The following EPHA6 variants were observed in gnomAD, a reference collection of about 807,000 sequenced individuals.
EPHA6 encodes ephrin type-A receptor 6.
Under a neutral mutation model 112.0 loss-of-function variants are expected in EPHA6, and 50 were observed. The ratio of observed to expected loss-of-function variants is 0.45; its 90% CI spans 0.36 to 0.56. EPHA6 has a LOEUF of 0.56. Ranked by LOEUF, EPHA6 falls within the 20% of genes least tolerant of loss-of-function variation. The probability of loss-of-function intolerance (pLI) is 0.00; values close to 1 mark genes in which losing one functional copy is unlikely to be tolerated. For missense variants in EPHA6, 1,280 were observed against 1,417.4 expected (o/e 0.90, Z 1.56); for synonymous variants, 529 against 490.7 (o/e 1.08, Z -1.03).
intron 2 of EPHA6, among the ~76,000 whole-genome samples, chr3:96,899,631 T>C (rs2038493344): frequency 6.6e-6 from 1 of 152,162 alleles, no homozygotes; most frequent in South Asian, 2.1e-4. Flanking sequence ...TATTTGGAGA[T>C]CTAAGTAGAT....
chr3:96,913,218 C>T (rs2039319195), intron 2 of EPHA6, among the ~76,000 whole-genome samples: 1 of 149,210 alleles, frequency 6.7e-6, no homozygotes, highest in Non-Finnish European at 1.5e-5. Flanking sequence ...ACACACCACA[C>T]ACACGGGCAT....
chr3:97,469,192 A>G (rs2091150957), intron 7 of EPHA6, among the ~76,000 whole-genome samples: 1 of 151,664 alleles, frequency 6.6e-6, no homozygotes, highest in African/African-American at 2.4e-5. Flanking sequence ...ATTTGATCCT[A>G]AACTCCTGGC....
intron 14 of EPHA6, among the ~76,000 whole-genome samples, chr3:97,657,567 G>A (rs1363524448): frequency 6.6e-6 from 1 of 151,754 alleles, no homozygotes; most frequent in Non-Finnish European, 1.5e-5. Context: ...GAACAGACAC[G>A]AATCATTAAT....
chr3:96,827,800 C>T (rs1328414209), intron 1 of EPHA6, among the ~76,000 whole-genome samples: 1 of 152,064 alleles, frequency 6.6e-6, no homozygotes, highest in Non-Finnish European at 1.5e-5. Context: ...AGGGCATGTG[C>T]ATCAACAGGG....
chr3:97,701,524 A>G (rs1340122213), intron 14 of EPHA6, among the ~76,000 whole-genome samples: 2 of 152,082 alleles, frequency 1.3e-5, no homozygotes, highest in East Asian at 3.9e-4. Flanking sequence ...TCTAATACAT[A>G]TTTTGCATTA....
chr3:97,598,486 A>G (rs1423065515), intron 12 of EPHA6, among the ~76,000 whole-genome samples: 1 of 138,286 alleles, frequency 7.2e-6, no homozygotes, highest in Non-Finnish European at 1.5e-5. Context: ...TCATTGTTCA[A>G]TTCCCACCTA....
intron 5 of EPHA6, among the ~76,000 whole-genome samples, chr3:97,333,226 T>G (rs1428902327): frequency 6.6e-6 from 1 of 152,124 alleles, no homozygotes; most frequent in Non-Finnish European, 1.5e-5. Flanking sequence ...CCTGGAGCAA[T>G]TATATGTGGT....
At chr3:97,204,842 A>G (rs78389230) in intron 3 of EPHA6, among the ~76,000 whole-genome samples, 1,888 of 152,292 alleles carry the variant, frequency 0.012, 32 homozygotes, top group African/African-American at 0.044. Context: ...GGATTCATTT[A>G]CAACAGGCAT....
intron 3 of EPHA6, among the ~76,000 whole-genome samples, chr3:97,034,567 C>T (rs2108030059): frequency 6.6e-6 from 1 of 151,994 alleles, no homozygotes; most frequent in East Asian, 1.9e-4. Context: ...TCACCTCCAG[C>T]TATAAATTAT....
chr3:97,387,389 T>C (rs2086135743), intron 5 of EPHA6, among the ~76,000 whole-genome samples: 1 of 151,874 alleles, frequency 6.6e-6, no homozygotes. Flanking sequence ...TTGAATGCCT[T>C]GCAGCTTAGA....
intron 7 of EPHA6, among the ~76,000 whole-genome samples, chr3:97,450,316 C>T (rs574588035): frequency 2.6e-5 from 4 of 152,088 alleles, no homozygotes; most frequent in South Asian, 4.1e-4. Context: ...CCAAGATTGT[C>T]GAATTATTGT....
intron 4 of EPHA6, among the ~76,000 whole-genome samples, chr3:97,228,794 C>T (rs1180601198): frequency 6.6e-6 from 1 of 152,094 alleles, no homozygotes; most frequent in African/African-American, 2.4e-5. Flanking sequence ...TAAGGAATCT[C>T]CATACCGTTA....
intron 3 of EPHA6, among the ~76,000 whole-genome samples, chr3:97,093,744 G>A (rs147853685): frequency 3.5e-4 from 53 of 152,086 alleles, no homozygotes; most frequent in South Asian, 6.2e-4. Context: ...TTCCTTCTCC[G>A]TCTCTTTAGG....
At chr3:97,081,981 T>C (rs941683986) in intron 3 of EPHA6, among the ~76,000 whole-genome samples, 2 of 151,660 alleles carry the variant, frequency 1.3e-5, no homozygotes, top group Non-Finnish European at 3.0e-5. Context: ...ATTGAGAAGC[T>C]TTTTTGCAAT....
intron 14 of EPHA6, among the ~76,000 whole-genome samples, chr3:97,647,742 C>G (rs901141175): frequency 2.6e-5 from 4 of 152,214 alleles, no homozygotes; most frequent in Non-Finnish European, 5.9e-5. Context: ...AAATCACTGC[C>G]TTTTCTGAGT....
rs577080534 is a variant in EPHA6 at position 96,895,342 on chromosome 3, A to G, written c.450+28453A>G. Among the ~76,000 whole-genome samples the G allele has an allele frequency of 7.9e-5, 12 of 152,316 alleles. No homozygotes were observed. In the South Asian group the frequency reaches 2.5e-3, roughly 32 times the overall value. On this transcript the variant is annotated intron_variant, in intron 2 of 17. Coordinates refer to ENST00000389672, the MANE Select transcript of EPHA6 (RefSeq NM_001080448.3). ...AAGAAAAAAGTATTTTTGAACAGCT[A>G]TCCCATGTTTGTATTTTAAGTAATA... is the stretch of plus-strand genomic sequence containing the variant.
At chr3:97,392,649 G>A (rs775540656) in intron 5 of EPHA6, among the ~76,000 whole-genome samples, 8 of 151,412 alleles carry the variant, frequency 5.3e-5, no homozygotes, top group Non-Finnish European at 8.9e-5. Flanking sequence ...CATAAAATTT[G>A]CATGTAAAGC....
At chr3:96,833,714 T>G (rs2034229673) in intron 1 of EPHA6, among the ~76,000 whole-genome samples, 2 of 152,022 alleles carry the variant, frequency 1.3e-5, no homozygotes, top group Admixed American at 6.6e-5. Context: ...GTAAGAGTGT[T>G]GTGTGAGAAA....
At chr3:97,309,636 A>G (rs147682125) in intron 5 of EPHA6, among the ~76,000 whole-genome samples, 30 of 151,748 alleles carry the variant, frequency 2.0e-4, no homozygotes, top group African/African-American at 7.2e-4. Context: ...TACTACTTAC[A>G]TCTTTAATTA....
Sources: gnomAD v4.1 joint callset for allele counts (sites outside exome capture counted in the v4.1 genomes callset) on GRCh38, gnomAD v4.1.1 for gene constraint, MANE v1.5 for transcripts, NCBI Gene and HGNC (gene_info 2026-07-23, HGNC 2026-07-21) for gene names.